Variants in CDH12 observed in about 807,000 individuals in gnomAD.
CDH12 encodes the protein cadherin 12.
A neutral mutation model predicts 74.1 loss-of-function variants in CDH12; 41 were observed. The observed-to-expected ratio is 0.55, with a 90% CI of 0.43 to 0.72. The LOEUF (loss-of-function observed/expected upper bound fraction) is 0.72. Ranked by LOEUF, CDH12 falls within the 30% of genes least tolerant of loss-of-function variation. The pLI is 0.00. For synonymous variants in CDH12, 399 were observed against 355.0 expected, an observed-to-expected ratio of 1.12 and a Z score of -1.39; for missense variants, 945 against 977.2, an observed-to-expected ratio of 0.97 and a Z score of 0.44.
At position 22,505,301 on chromosome 5, in the gene CDH12, C is replaced by T; in HGVS notation, c.-459G>A. 1.0e-6 allele frequency: 1 copy of T among 984,808 alleles called. No individual in the cohort carries two copies. Among genetic ancestry groups the T allele is most frequent in the Non-Finnish European group, 1.2e-6 (1 of 829,524 alleles). The allele number at this position is 984,808 out of a possible 1,614,324, so 61.0% of individuals were successfully genotyped here. On this transcript the variant is annotated 5_prime_UTR_variant, in exon 2 of 15. Coordinates refer to ENST00000382254, the MANE Select transcript of CDH12 (RefSeq NM_004061.5). ...AAAGGCTGGCATTCTTTAAAACTCC[C>T]AACTGCTCCTGGGTTCCAGCTTGTC...
chr5:22,352,226 G>T (rs905741712), intron 3 of CDH12, among the ~76,000 whole-genome samples: 1 of 150,952 alleles, frequency 6.6e-6, no homozygotes, highest in Non-Finnish European at 1.5e-5. Flanking sequence ...TTTATACTTG[G>T]TATCTGCTAG....
rs1749007364 is a variant in CDH12 at position 22,171,155 on chromosome 5, T to TTC, written c.-187+41341_-187+41342dup. Reference sequence around the variant, plus strand: ...CATTGACAAGGAATCAGGCCTTTGCTTCTATTCCTGGCCACATGCTGCAAA... The same window carrying TTC: ...CATTGACAAGGAATCAGGCCTTTGCTTCTCTATTCCTGGCCACATGCTGCAAA... On this transcript the variant is annotated intron_variant, in intron 4 of 14. Transcript: ENST00000382254. Among the ~76,000 whole-genome samples the TTC allele has an allele frequency of 3.3e-5, 5 of 151,852 alleles. No individual in the cohort carries two copies. In the South Asian group the frequency reaches 1.0e-3, roughly 31 times the overall value.
chr5:22,048,565 A>G (rs545788460), intron 5 of CDH12, among the ~76,000 whole-genome samples: 1 of 152,276 alleles, frequency 6.6e-6, no homozygotes, highest in East Asian at 1.9e-4. Flanking sequence ...TGACTGATAT[A>G]TTGATGACAC....
intron 1 of CDH12, among the ~76,000 whole-genome samples, chr5:22,593,015 G>C (rs1336258144): frequency 1.5e-5 from 2 of 136,058 alleles, no homozygotes; most frequent in East Asian, 4.3e-4. Context: ...GAGTGACAGA[G>C]AGAGACTCCA....
chr5:22,615,952 T>C (rs1405957009), intron 1 of CDH12, among the ~76,000 whole-genome samples: 4 of 152,264 alleles, frequency 2.6e-5, no homozygotes, highest in Admixed American at 6.5e-5. Flanking sequence ...TATCACCCTA[T>C]ATATTATTTG....
intron 1 of CDH12, among the ~76,000 whole-genome samples, chr5:22,724,966 C>T (rs1010950120): frequency 6.6e-6 from 1 of 151,766 alleles, no homozygotes; most frequent in Non-Finnish European, 1.5e-5. Context: ...ACTCAGAACA[C>T]CACGTTTCCA....
At chr5:22,315,868 G>A (rs1044741029) in intron 3 of CDH12, among the ~76,000 whole-genome samples, 9 of 152,080 alleles carry the variant, frequency 5.9e-5, no homozygotes, top group African/African-American at 2.2e-4. Flanking sequence ...ACTCTGTGAA[G>A]GAGGTTTTGA....
intron 6 of CDH12, among the ~76,000 whole-genome samples, chr5:21,948,877 T>C (rs1477992491): frequency 3.3e-5 from 5 of 151,958 alleles, no homozygotes. Flanking sequence ...TCTCAGGAGA[T>C]CTGATGGTTT....
chr5:22,303,234 AGT>A (rs1737966048), intron 3 of CDH12, among the ~76,000 whole-genome samples: 1 of 152,158 alleles, frequency 6.6e-6, no homozygotes, highest in African/African-American at 2.4e-5. Context: ...AAGAAGAAAA[AGT>A]GTACTTAGTC....
chr5:21,762,365 C>T lies in CDH12; in HGVS notation c.1516-1690G>A, dbSNP rs1579652894. Among the ~76,000 whole-genome samples, 3 of 151,762 alleles carry T rather than the reference C, an allele frequency of 2.0e-5. No homozygotes were observed. In the South Asian group the frequency reaches 6.2e-4, roughly 31 times the overall value. On this transcript the variant is annotated intron_variant, in intron 12 of 14. Transcript: ENST00000382254. The stretch of plus-strand genomic sequence containing the variant: ...TCTTTCCTCCTTTTCTTATTTTTTT[C>T]AGAATAAATAGATGAAATGTAGATG...
intron 3 of CDH12, among the ~76,000 whole-genome samples, chr5:22,302,393 T>C (rs1038783068): frequency 6.6e-6 from 1 of 152,206 alleles, no homozygotes; most frequent in Non-Finnish European, 1.5e-5. Flanking sequence ...TAAAAATTAT[T>C]CCAGGAGGCT....
At chr5:21,896,442 G>T (rs1311248350) in intron 6 of CDH12, among the ~76,000 whole-genome samples, 1 of 152,172 alleles carries the variant, frequency 6.6e-6, no homozygotes, top group African/African-American at 2.4e-5. Flanking sequence ...CACAAGCTGT[G>T]ACATGAATAA....
intron 6 of CDH12, among the ~76,000 whole-genome samples, chr5:21,950,243 T>C (rs1263756612): frequency 6.6e-6 from 1 of 152,192 alleles, no homozygotes; most frequent in East Asian, 1.9e-4. Flanking sequence ...TATCTCTATT[T>C]ACACATAGAA....
chr5:21,890,063 A>G (rs1209023257), intron 6 of CDH12, among the ~76,000 whole-genome samples: 1 of 151,420 alleles, frequency 6.6e-6, no homozygotes, highest in African/African-American at 2.4e-5. Flanking sequence ...AATGACTGAC[A>G]CTTAAATGAA....
rs1366072192 is a variant in CDH12 at position 22,327,301 on chromosome 5, AAAAAT to A, written c.-333+77951_-333+77955del. Among the ~76,000 whole-genome samples the A allele has an allele frequency of 3.9e-5, 6 of 152,272 alleles. No homozygotes were observed. In the East Asian group the frequency reaches 1.2e-3, roughly 29 times the overall value. ...AGACACAAAGTCATTTTTATTATAA[AAAAAT>A]AAACAAAAATGTCATCAATTAAAAT... On this transcript the variant is annotated intron_variant, in intron 3 of 14. Transcript: ENST00000382254.
intron 1 of CDH12, among the ~76,000 whole-genome samples, chr5:22,846,861 T>G (rs959457976): frequency 2.6e-5 from 4 of 152,200 alleles, no homozygotes; most frequent in Non-Finnish European, 4.4e-5. Flanking sequence ...CCCTCATCAC[T>G]GGTGTTATAT....
chr5:22,825,967 G>T (rs1358328943), intron 1 of CDH12, among the ~76,000 whole-genome samples: 1 of 152,094 alleles, frequency 6.6e-6, no homozygotes, highest in Non-Finnish European at 1.5e-5. Context: ...TGAATTAGTG[G>T]AATAACCAGT....
rs1296423368 is a variant in CDH12 at position 22,057,836 on chromosome 5, T to A, written c.231+20610A>T. On this transcript the variant is annotated intron_variant, in intron 5 of 14. Transcript: ENST00000382254. ...GCTTACAGGCAGTGGAGCAGCTAAATATGTCACTGGCATCTCTGTGTTCTC... is the reference window on the plus strand; with the variant it reads ...GCTTACAGGCAGTGGAGCAGCTAAAAATGTCACTGGCATCTCTGTGTTCTC... 1.3e-5 allele frequency among the ~76,000 whole-genome samples: 2 copies of A among 152,164 alleles called. 1 individual carries two copies. The highest frequency in any genetic ancestry group is 4.8e-5 in the African/African-American group (2 of 41,442).
chr5:22,153,497 A>G lies in CDH12; in HGVS notation c.-187+59001T>C, dbSNP rs549309168. Among the ~76,000 whole-genome samples, 361 of 151,726 alleles carry G rather than the reference A, an allele frequency of 2.4e-3. 1 individual carries two copies. Among genetic ancestry groups the G allele is most frequent in the African/African-American group, 8.2e-3 (341 of 41,418 alleles). ...TGAAACCCTGAAGGGAGAGGTAAAC[A>G]TATAAGCTCTGCAATCCAACTGCTT... is the stretch of plus-strand genomic sequence containing the variant. On this transcript the variant is annotated intron_variant, in intron 4 of 14. Coordinates refer to ENST00000382254, the MANE Select transcript of CDH12 (RefSeq NM_004061.5).
Sources: allele counts gnomAD v4.1 joint callset (sites outside exome capture counted in the v4.1 genomes callset), GRCh38; gene constraint gnomAD v4.1.1; transcripts MANE v1.5; gene names NCBI Gene and HGNC (gene_info 2026-07-23, HGNC 2026-07-21).